NEXMIF: variants seen among roughly 807,000 people sequenced by gnomAD.
NEXMIF encodes the protein XLMR protein related to neurite extension.
A neutral mutation model predicts 62.1 loss-of-function variants in NEXMIF; 8 were observed. The observed-to-expected ratio is 0.13, with a 90% confidence interval of 0.08 to 0.23. The LOEUF (loss-of-function observed/expected upper bound fraction) is 0.23. Ranked by LOEUF, NEXMIF falls within the 10% of genes least tolerant of loss-of-function variation. NEXMIF has a pLI of 1.00. For missense variants in NEXMIF, 976 were observed against 1,113.3 expected (o/e 0.88, Z 1.75); for synonymous variants, 404 against 416.6 (o/e 0.97, Z 0.37).
intron 1 of NEXMIF, among the ~76,000 whole-genome samples, chrX:74,848,166 G>C (rs1346919067): frequency 9.0e-6 from 1 of 111,601 alleles, no homozygotes; most frequent in East Asian, 2.8e-4. Context: ...CAAAAAATGT[G>C]TCCTTGTTTA....
chrX:74,829,894 G>C (rs1184206514), intron 1 of NEXMIF, among the ~76,000 whole-genome samples: 2 of 111,581 alleles, frequency 1.8e-5, no homozygotes, highest in East Asian at 2.8e-4. Flanking sequence ...TTTTAAATCT[G>C]ATTATTAGAT....
chrX:74,850,645 C>A (rs2080509721), intron 1 of NEXMIF, among the ~76,000 whole-genome samples: 1 of 111,379 alleles, frequency 9.0e-6, no homozygotes, highest in African/African-American at 3.3e-5. Context: ...ATAGAGAATA[C>A]ACTATTGCAC....
intron 1 of NEXMIF, among the ~76,000 whole-genome samples, chrX:74,834,134 C>CAAA (rs60340857): frequency 1.9e-5 from 1 of 53,210 alleles, no homozygotes; most frequent in African/African-American, 6.1e-5. Flanking sequence ...AACTCCATCT[C>CAAA]AAAAAAAAAA....
intron 1 of NEXMIF, among the ~76,000 whole-genome samples, chrX:74,924,441 G>C (rs2080836915): frequency 3.5e-5 from 4 of 113,223 alleles, no homozygotes; most frequent in Admixed American, 9.2e-5. Context: ...GCTTTGGTCC[G>C]AGCGCCCGGC....
intron 1 of NEXMIF, among the ~76,000 whole-genome samples, chrX:74,778,517 A>C (rs1602224565): frequency 9.0e-6 from 1 of 110,773 alleles, no homozygotes; most frequent in South Asian, 3.8e-4. Context: ...TAGAAACTTT[A>C]TGTTGATATA....
chrX:74,888,189 A>G (rs759848987), intron 1 of NEXMIF, among the ~76,000 whole-genome samples: 1 of 109,175 alleles, frequency 9.2e-6, no homozygotes, highest in African/African-American at 3.3e-5. Context: ...ACCTAATGCT[A>G]AATGAGGATT....
At chrX:74,869,992 A>G (rs766801897) in intron 1 of NEXMIF, among the ~76,000 whole-genome samples, 3 of 111,767 alleles carry the variant, frequency 2.7e-5, no homozygotes, top group Non-Finnish European at 5.6e-5. Flanking sequence ...TGGAACCAAA[A>G]CAGACCCAGA....
At chrX:74,807,350 CTG>C (rs1419788714) in intron 1 of NEXMIF, among the ~76,000 whole-genome samples, 3 of 111,398 alleles carry the variant, frequency 2.7e-5, no homozygotes, top group African/African-American at 9.8e-5. Context: ...GGGTCTCACT[CTG>C]TCATCTAAGC....
chrX:74,916,234 C>T (rs2080806386), intron 1 of NEXMIF, among the ~76,000 whole-genome samples: 1 of 111,700 alleles, frequency 9.0e-6, no homozygotes, highest in South Asian at 3.8e-4. Context: ...CACATTATTC[C>T]CTATTAAATG....
At chrX:74,827,258 T>C (rs1176711841) in intron 1 of NEXMIF, among the ~76,000 whole-genome samples, 1 of 112,022 alleles carries the variant, frequency 8.9e-6, no homozygotes, top group Non-Finnish European at 1.9e-5. Context: ...AGCAAGTTGC[T>C]TGATAAATCA....
intron 1 of NEXMIF, among the ~76,000 whole-genome samples, chrX:74,843,422 T>G (rs749640923): frequency 3.6e-5 from 4 of 109,951 alleles, no homozygotes; most frequent in South Asian, 4.0e-4. Context: ...GCTTTTTTTT[T>G]TTGTTTGTTT....
Position 74,761,662 on chromosome X carries a change from T to G in NEXMIF, c.-47-15965A>C, listed in dbSNP as rs749696773. On this transcript the variant is annotated intron_variant, in intron 1 of 3. Coordinates refer to ENST00000055682, the MANE Select transcript of NEXMIF (RefSeq NM_001008537.3). ...GGCTTATCTATCTTAATATTTTTTT[T>G]CAAAAAACCAACTCCTATTTACATT... 2.7e-5 allele frequency among the ~76,000 whole-genome samples: 3 copies of G among 111,448 alleles called. No homozygotes were observed. In the South Asian group the frequency reaches 1.1e-3, roughly 42 times the overall value.
chrX:74,842,598 G>A (rs905917050), intron 1 of NEXMIF, among the ~76,000 whole-genome samples: 1 of 111,379 alleles, frequency 9.0e-6, no homozygotes, highest in Non-Finnish European at 1.9e-5. Context: ...ACTTTTTGAC[G>A]TGGGCATTTA....
intron 1 of NEXMIF, among the ~76,000 whole-genome samples, chrX:74,824,445 C>T (rs768246610): frequency 1.4e-4 from 16 of 111,788 alleles, no homozygotes; most frequent in Non-Finnish European, 2.6e-4. Flanking sequence ...GACAGCAGTT[C>T]CTTCTTTTTA....
At chrX:74,875,492 G>A (rs1210426585) in intron 1 of NEXMIF, among the ~76,000 whole-genome samples, 3 of 111,881 alleles carry the variant, frequency 2.7e-5, no homozygotes, top group African/African-American at 9.8e-5. Flanking sequence ...TTGGTATCAG[G>A]ATGACGCTGG....
intron 1 of NEXMIF, among the ~76,000 whole-genome samples, chrX:74,884,407 C>T (rs1056132758): frequency 2.7e-5 from 3 of 111,309 alleles, no homozygotes; most frequent in Non-Finnish European, 3.8e-5. Context: ...ACCCATCTCA[C>T]GTGCAGAGAC....
At chrX:74,767,738 G>A (rs987297746) in intron 1 of NEXMIF, among the ~76,000 whole-genome samples, 13 of 111,844 alleles carry the variant, frequency 1.2e-4, no homozygotes, top group Non-Finnish European at 2.3e-4. Context: ...TGTAAAAAAA[G>A]CAGTCTGACT....
At chrX:74,877,603 T>C (rs1349641102) in intron 1 of NEXMIF, among the ~76,000 whole-genome samples, 1 of 111,752 alleles carries the variant, frequency 8.9e-6, no homozygotes, top group Admixed American at 9.5e-5. Context: ...CTTGGTTCCA[T>C]TCTCCCCGTC....
At chrX:74,850,362 G>A (rs996071447) in intron 1 of NEXMIF, among the ~76,000 whole-genome samples, 10 of 112,130 alleles carry the variant, frequency 8.9e-5, no homozygotes, top group East Asian at 5.6e-4. Context: ...CCAGGGACCC[G>A]AGGACCACCA....
Sources: allele counts gnomAD v4.1 joint callset (sites outside exome capture counted in the v4.1 genomes callset), GRCh38; gene constraint gnomAD v4.1.1; transcripts MANE v1.5; gene names NCBI Gene and HGNC (gene_info 2026-07-23, HGNC 2026-07-21).